The following MED20 variants were observed in gnomAD, a reference collection of about 807,000 sequenced individuals.
MED20 encodes the protein mediator complex subunit 20.
A neutral mutation model predicts 19.7 loss-of-function variants in MED20; 19 were observed. The ratio of observed to expected loss-of-function variants is 0.96; its 90% CI spans 0.67 to 1.42. The LOEUF (loss-of-function observed/expected upper bound fraction) is 1.42, where lower values mean the gene tolerates loss of function less well. Ranked by LOEUF, MED20 falls within the 40% of genes most tolerant of loss-of-function variation. MED20 has a pLI of 0.00. For synonymous variants in MED20, 105 were observed against 104.8 expected, an observed-to-expected ratio of 1.00 and a Z score of -0.01; for missense variants, 225 against 273.0, an observed-to-expected ratio of 0.82 and a Z score of 1.24.
At chr6:41,918,239 C>T (rs1775366700) in intron 1 of MED20, among the ~76,000 whole-genome samples, 2 of 152,154 alleles carry the variant, frequency 1.3e-5, no homozygotes, top group African/African-American at 4.8e-5. Context: ...CATGGTGGCT[C>T]ACGCCTGTAA....
chr6:41,914,120 G>C (rs1775258878), intron 2 of MED20, among the ~76,000 whole-genome samples: 1 of 152,152 alleles, frequency 6.6e-6, no homozygotes, highest in South Asian at 2.1e-4. Flanking sequence ...CAAACAGGAT[G>C]GTGGCACAAC....
In MED20 at chr6:41,921,062, A is replaced by C; in HGVS notation, c.-44T>G. 6.2e-7 allele frequency: 1 copy of C among 1,607,058 alleles called. No homozygotes were observed. Among genetic ancestry groups the C allele is most frequent in the Non-Finnish European group, 8.5e-7 (1 of 1,176,552 alleles). On this transcript the variant is annotated 5_prime_UTR_variant, in exon 1 of 4. Transcript: ENST00000265350. ...TGGCAGAATCACACAGTAGAAACGCAGGGTTCCCTGTCCGCCCACAGAAAC... is the reference window on the plus strand; with the variant it reads ...TGGCAGAATCACACAGTAGAAACGCCGGGTTCCCTGTCCGCCCACAGAAAC...
intron 2 of MED20, among the ~76,000 whole-genome samples, chr6:41,911,191 C>T (rs1775185815): frequency 6.6e-6 from 1 of 150,642 alleles, no homozygotes; most frequent in South Asian, 2.1e-4. Context: ...CACTCTGTCG[C>T]CCAGGCTGTA....
intron 1 of MED20, among the ~76,000 whole-genome samples, chr6:41,920,587 C>T (rs1039422250): frequency 2.0e-5 from 3 of 152,010 alleles, no homozygotes; most frequent in Non-Finnish European, 4.4e-5. Flanking sequence ...CCAGCGTGGC[C>T]AATATGGTGA....
chr6:41,916,767 C>A lies in MED20; in HGVS notation c.169+18G>T, dbSNP rs1367659342. On this transcript the variant is annotated intron_variant, in intron 2 of 3. Transcript: ENST00000265350. The stretch of plus-strand genomic sequence containing the variant: ...TCCAAGCCTGGTTCCAGCCATCCTA[C>A]AGACCCATCTCACTGACCTTGGCTG... 1.2e-6 allele frequency: 2 copies of A among 1,613,670 alleles called. No individual in the cohort carries two copies.
chr6:41,917,670 G>A (rs1775350164), intron 1 of MED20: 1 of 433,554 alleles, frequency 2.3e-6, no homozygotes, highest in Non-Finnish European at 4.9e-6. Context: ...AAAGATTCTA[G>A]ATGACACACG....
In MED20 at chr6:41,906,723, G is replaced by C; in HGVS notation, c.*349C>G. On this transcript the variant is annotated 3_prime_UTR_variant, in exon 4 of 4. Transcript: ENST00000265350. ...GCCTGGGACAAATCCTTAATAGTTG[G>C]GGATACGGACTATTTCCCCCACCAG... 1 of 244,778 alleles carries C rather than the reference G, an allele frequency of 4.1e-6. No individual in the cohort carries two copies. The highest frequency in any genetic ancestry group is 8.4e-5 in the East Asian group (1 of 11,956). 15.2% of individuals were successfully genotyped at this position (244,778 alleles called of 1,614,324 possible).
At chr6:41,920,928 G>A in intron 1 of MED20, 77 bp downstream of exon 1, 15 of 1,552,352 alleles carry the variant, frequency 9.7e-6, no homozygotes, top group Non-Finnish European at 1.3e-5. Context: ...CCAGAGGACG[G>A]CGGACCATGG....
intron 1 of MED20, chr6:41,917,819 A>C (rs1288872952): frequency 2.1e-6 from 1 of 470,608 alleles, no homozygotes. Context: ...TGAGCTGTTC[A>C]GCACAGTAGC....
chr6:41,915,361 G>A (rs1775287560), intron 2 of MED20, among the ~76,000 whole-genome samples: 3 of 152,182 alleles, frequency 2.0e-5, no homozygotes, highest in African/African-American at 7.2e-5. Flanking sequence ...AGGCATGGTG[G>A]CACATGCCTG....
rs894494203 is a variant in MED20, at chr6:41,921,088, T to G, written c.-70A>C. ...GGGTTCCCTGTCCGCCCACAGAAAC[T>G]CCTTCAGTTCCCCAACACAACCTTC... is the stretch of plus-strand genomic sequence containing the variant. On this transcript the variant is annotated 5_prime_UTR_variant, in exon 1 of 4. Transcript: ENST00000265350. The G allele has an allele frequency of 1.8e-5, 29 of 1,591,112 alleles. No homozygotes were observed. Among genetic ancestry groups the G allele is most frequent in the Admixed American group, 5.3e-5 (3 of 57,080 alleles).
intron 1 of MED20, among the ~76,000 whole-genome samples, chr6:41,918,356 T>C (rs1775369764): frequency 6.7e-6 from 1 of 149,884 alleles, no homozygotes; most frequent in Admixed American, 6.7e-5. Flanking sequence ...ATACAAAACT[T>C]AGCCAGGCAT....
intron 2 of MED20, among the ~76,000 whole-genome samples, chr6:41,914,732 A>G (rs1775273278): frequency 6.6e-6 from 1 of 151,992 alleles, no homozygotes; most frequent in South Asian, 2.1e-4. Flanking sequence ...AAAAAAAAAA[A>G]AAGTCCTCTC....
rs730882147 is a variant in MED20, at chr6:41,909,351, C to G, written c.341G>C (p.Gly114Ala). 1.2e-6 allele frequency: 2 copies of G among 1,614,038 alleles called. No homozygotes were observed. The highest frequency in any genetic ancestry group is 1.3e-5 in the African/African-American group (1 of 74,904). The change falls in exon 3 of 4, where the codon GGC becomes GCC. Residue 114 changes from glycine to alanine, a missense_variant. Coordinates refer to ENST00000265350, the MANE Select transcript of MED20 (RefSeq NM_004275.5). ...SAKASKIETR[G>A]TRYQYCDFLV... ...GAAGTCACAGTACTGGTACCTGGTG[C>G]CCCGGGTCTCAATCTTGCTGGCCTT...
chr6:41,911,106 C>CAA (rs377146036), intron 2 of MED20, among the ~76,000 whole-genome samples: 5 of 111,804 alleles, frequency 4.5e-5, no homozygotes, highest in African/African-American at 7.2e-5. Flanking sequence ...GACTCCATCT[C>CAA]AAAAAAAAAA....
intron 3 of MED20, 122 bp downstream of exon 3, chr6:41,909,147 C>G: frequency 7.4e-7 from 1 of 1,355,264 alleles, no homozygotes; most frequent in East Asian, 2.3e-5. Flanking sequence ...GCATTCCAGC[C>G]TGGGTGACAG....
chr6:41,915,789 A>AACAC (rs34924867), intron 2 of MED20, among the ~76,000 whole-genome samples: 2 of 148,592 alleles, frequency 1.3e-5, no homozygotes, highest in African/African-American at 5.0e-5. Context: ...TCCGTCTCAA[A>AACAC]ACACACACAC....
At chr6:41,912,175 T>C (rs1471892070) in intron 2 of MED20, among the ~76,000 whole-genome samples, 3 of 149,892 alleles carry the variant, frequency 2.0e-5, no homozygotes, top group Admixed American at 1.3e-4. Context: ...CAGTGTCCCA[T>C]GTAGCTGGGA....
chr6:41,908,941 G>C (rs953145238), intron 3 of MED20: 14 of 374,766 alleles, frequency 3.7e-5, no homozygotes, highest in Non-Finnish European at 6.2e-5. Flanking sequence ...CCAGCACTTT[G>C]GGGGGCTGAG....
Sources: gnomAD v4.1 joint callset for allele counts (sites outside exome capture counted in the v4.1 genomes callset) on GRCh38, gnomAD v4.1.1 for gene constraint, MANE v1.5 for transcripts, NCBI Gene and HGNC (gene_info 2026-07-23, HGNC 2026-07-21) for gene names.